PPP4R2: variants seen among roughly 807,000 people sequenced by gnomAD.
The protein encoded by PPP4R2 is protein phosphatase 4 regulatory subunit 2.
Under a neutral mutation model 47.2 loss-of-function variants are expected in PPP4R2, and 13 were observed. The ratio of observed to expected loss-of-function variants is 0.28; its 90% CI spans 0.18 to 0.44. The LOEUF (loss-of-function observed/expected upper bound fraction) is 0.44. Ranked by LOEUF, PPP4R2 falls within the 20% of genes least tolerant of loss-of-function variation. The pLI is 1.00. For synonymous variants in PPP4R2, 151 were observed against 163.3 expected, an observed-to-expected ratio of 0.92 and a Z score of 0.57; for missense variants, 421 against 491.2, an observed-to-expected ratio of 0.86 and a Z score of 1.35.
chr3:73,011,230 A>G (rs765606823), intron 2 of PPP4R2, among the ~76,000 whole-genome samples: 1 of 152,226 alleles, frequency 6.6e-6, no homozygotes, highest in Non-Finnish European at 1.5e-5. Context: ...CTGTAATCGC[A>G]GCACTTTGGG....
At chr3:73,004,316 T>G (rs56389336) in intron 2 of PPP4R2, among the ~76,000 whole-genome samples, 1 of 151,044 alleles carries the variant, frequency 6.6e-6, no homozygotes, top group Non-Finnish European at 1.5e-5. Context: ...GCTGGAATTA[T>G]AGGCATGAGC....
chr3:73,061,684 C>T (rs988097413), intron 5 of PPP4R2: 1 of 182,536 alleles, frequency 5.5e-6, no homozygotes. Context: ...GAGGTTGTCC[C>T]CTGCTGAGAA....
intron 2 of PPP4R2, among the ~76,000 whole-genome samples, chr3:73,003,577 G>T (rs1336273070): frequency 6.6e-6 from 1 of 152,088 alleles, no homozygotes; most frequent in Non-Finnish European, 1.5e-5. Flanking sequence ...CCTACAACCA[G>T]TCCTTATGTC....
In PPP4R2 at chr3:73,067,760, A is replaced by ATT. The variant is rs1703030787; in HGVS notation, c.*2039_*2040dup. Reference sequence around the variant, plus strand: ...GTTGGTTGTAAGTTGAAGATTTAGCATTATGACTTTGAGGTCTGTGGTTTT... The same window carrying ATT: ...GTTGGTTGTAAGTTGAAGATTTAGCATTTTATGACTTTGAGGTCTGTGGTTTT... On this transcript the variant is annotated 3_prime_UTR_variant, in exon 9 of 9. Transcript: ENST00000356692. 6.6e-6 allele frequency: 1 copy of ATT among 152,210 alleles called. No individual in the cohort carries two copies. Among genetic ancestry groups the ATT allele is most frequent in the Non-Finnish European group, 1.5e-5 (1 of 68,028 alleles). 9.4% of individuals were successfully genotyped at this position (152,210 alleles called of 1,614,324 possible). A position where few individuals can be genotyped will look rare whatever the true frequency, so the allele number is the denominator to read the frequency against.
intron 3 of PPP4R2, among the ~76,000 whole-genome samples, chr3:73,055,296 A>C (rs1054943787): frequency 2.0e-5 from 3 of 152,094 alleles, no homozygotes; most frequent in Non-Finnish European, 4.4e-5. Flanking sequence ...ATTATGTCGT[A>C]TTTAGTCGTC....
At chr3:73,008,798 A>T (rs932066664) in intron 2 of PPP4R2, among the ~76,000 whole-genome samples, 3 of 152,218 alleles carry the variant, frequency 2.0e-5, no homozygotes, top group Non-Finnish European at 2.9e-5. Flanking sequence ...TAAAGAAACG[A>T]GTCTAAAGTA....
At chr3:73,057,504 C>G (rs1702751825) in intron 3 of PPP4R2, among the ~76,000 whole-genome samples, 1 of 152,106 alleles carries the variant, frequency 6.6e-6, no homozygotes, top group South Asian at 2.1e-4. Flanking sequence ...ATCTTTTATT[C>G]TGTGCCTTGT....
intron 2 of PPP4R2, among the ~76,000 whole-genome samples, chr3:73,023,895 A>G (rs1702008596): frequency 6.6e-6 from 1 of 152,212 alleles, no homozygotes; most frequent in Non-Finnish European, 1.5e-5. Context: ...GCCACTTAAA[A>G]GAATAATTTG....
chr3:73,001,309 G>A (rs1471377870), intron 2 of PPP4R2, among the ~76,000 whole-genome samples: 1 of 151,966 alleles, frequency 6.6e-6, no homozygotes, highest in Non-Finnish European at 1.5e-5. Flanking sequence ...TGTAATCCCA[G>A]AACTTTGAGA....
intron 2 of PPP4R2, among the ~76,000 whole-genome samples, chr3:73,033,449 A>G (rs771505023): frequency 6.6e-6 from 1 of 151,686 alleles, no homozygotes; most frequent in South Asian, 2.1e-4. Flanking sequence ...CTCTTCAGCA[A>G]CTCTTGTGAG....
At chr3:73,015,762 TGA>T (rs1158043161) in intron 2 of PPP4R2, 8 of 437,644 alleles carry the variant, frequency 1.8e-5, no homozygotes, top group African/African-American at 1.7e-4. Context: ...CTTATCCTCC[TGA>T]GTAGCTGGGA....
At chr3:73,060,013 C>G (rs754252713) in intron 4 of PPP4R2, among the ~76,000 whole-genome samples, 1 of 151,060 alleles carries the variant, frequency 6.6e-6, no homozygotes, top group East Asian at 1.9e-4. Flanking sequence ...AAGAAATTGA[C>G]TTGTCTTGAG....
At chr3:73,004,869 GTTTGTTTGTTTGTT>G (rs1447725737) in intron 2 of PPP4R2, among the ~76,000 whole-genome samples, 224 of 38,076 alleles carry the variant, frequency 5.9e-3, no homozygotes, top group African/African-American at 0.022. Flanking sequence ...GTGTGTGTGT[GTTTGTTTGTTTGTT>G]TGTGTGTGTG....
chr3:73,040,499 A>ATTTTTTTTTTT (rs11342756), intron 2 of PPP4R2, among the ~76,000 whole-genome samples: 5 of 117,586 alleles, frequency 4.3e-5, no homozygotes, highest in East Asian at 2.6e-4. Flanking sequence ...ATGTGACCTA[A>ATTTTTTTTTTT]TTTTTTTTTT....
intron 2 of PPP4R2, 53 bp from the exon 3 acceptor site, chr3:73,047,133 C>A: frequency 9.6e-7 from 1 of 1,037,518 alleles, no homozygotes; most frequent in South Asian, 1.7e-5. Context: ...GTTTTGTGTT[C>A]AAGAATTGTG....
chr3:73,016,032 G>T, intron 2 of PPP4R2: 1 of 178,612 alleles, frequency 5.6e-6, no homozygotes, highest in South Asian at 8.8e-5. Context: ...CTCCCAAAGT[G>T]CTGGGAATAC....
At chr3:73,044,414 G>T (rs574842970) in intron 2 of PPP4R2, among the ~76,000 whole-genome samples, 5 of 152,002 alleles carry the variant, frequency 3.3e-5, no homozygotes, top group Non-Finnish European at 5.9e-5. Context: ...GTGAAACCCC[G>T]TCTCTACTAA....
rs1702503535 is a variant in PPP4R2, at chr3:73,047,241, G to A, written c.172G>A (p.Asp58Asn). ...TATTTTCAAACTGGAGAAAGTGATG[G>A]ATGATTTCAGAACTTCAGCTCCTGA... ...YFIFKLEKVM[D>N]DFRTSAPEPR... is the part of the protein sequence containing the mutation. Residue 58 changes from aspartate (D) to asparagine (N), a missense_variant, in exon 3 of 9, where the codon GAT becomes AAT. Around this residue, in one of 2 missense-constraint regions of PPP4R2, gnomAD observed 104 missense variants for 203.7 expected, o/e 0.51. Coordinates refer to ENST00000356692, the MANE Select transcript of PPP4R2 (RefSeq NM_174907.4). 1 of 1,602,554 alleles carries A rather than the reference G, an allele frequency of 6.2e-7. No individual in the cohort carries two copies. Among genetic ancestry groups the A allele is most frequent in the African/African-American group, 1.3e-5 (1 of 74,548 alleles).
At chr3:73,061,961 T>G in intron 5 of PPP4R2, 2 of 657,066 alleles carry the variant, frequency 3.0e-6, no homozygotes. Flanking sequence ...GAAAAACTAT[T>G]AAAATGTATA....
Sources: gnomAD v4.1 joint callset for allele counts (sites outside exome capture counted in the v4.1 genomes callset) on GRCh38, gnomAD v4.1.1 for gene constraint, gnomAD v4.1.1 regional missense constraint, MANE v1.5 for transcripts, NCBI Gene and HGNC (gene_info 2026-07-23, HGNC 2026-07-21) for gene names.